Variants in PLEKHG1 observed in about 807,000 individuals in gnomAD.
The protein encoded by PLEKHG1 is pleckstrin homology and RhoGEF domain containing G1.
A neutral mutation model predicts 100.8 loss-of-function variants in PLEKHG1; 44 were observed. That is an observed-to-expected ratio of 0.44 (90% CI 0.34 to 0.56). The LOEUF is 0.56. Among genes scored for constraint, PLEKHG1 ranks in the 20% least tolerant of loss-of-function variants. The pLI is 0.01. For synonymous variants in PLEKHG1, 640 were observed against 662.5 expected, an observed-to-expected ratio of 0.97 and a Z score of 0.52; for missense variants, 1,545 against 1,720.9, an observed-to-expected ratio of 0.90 and a Z score of 1.81.
chr6:150,695,324 C>T (rs939435757), intron 3 of PLEKHG1, among the ~76,000 whole-genome samples: 4 of 152,136 alleles, frequency 2.6e-5, no homozygotes, highest in South Asian at 2.1e-4. Context: ...AAGTCTAGCA[C>T]GTTGTCCTTT....
At chr6:150,604,018 A>T (rs1582884162) in intron 1 of PLEKHG1, among the ~76,000 whole-genome samples, 1 of 152,342 alleles carries the variant, frequency 6.6e-6, no homozygotes, top group African/African-American at 2.4e-5. Flanking sequence ...CCAGGGTGTT[A>T]TGGAGGCCTC....
chr6:150,713,304 G>A (rs777130035), intron 3 of PLEKHG1, among the ~76,000 whole-genome samples: 1 of 152,076 alleles, frequency 6.6e-6, no homozygotes. Flanking sequence ...AAAGTAGTAA[G>A]TCATCTCAAC....
intron 2 of PLEKHG1, 26 bp from the exon 4 acceptor site, chr6:150,768,612 A>G: frequency 8.0e-7 from 1 of 1,251,954 alleles, no homozygotes; most frequent in Non-Finnish European, 1.2e-6. Context: ...GGAGTGTTTA[A>G]GGCATCCTTC....
chr6:150,818,319 G>A (rs1776103758), intron 11 of PLEKHG1, 103 bp downstream of exon 12: 1 of 898,390 alleles, frequency 1.1e-6, no homozygotes, highest in Non-Finnish European at 1.8e-6. Flanking sequence ...TTAGAAAATA[G>A]TATCTCTCTA....
intron 10 of PLEKHG1, among the ~76,000 whole-genome samples, chr6:150,816,274 C>A (rs552328754): frequency 7.0e-6 from 1 of 143,366 alleles, no homozygotes; most frequent in African/African-American, 2.5e-5. Context: ...TCAGGATATT[C>A]GCCTGGACTT....
chr6:150,683,728 GC>G lies in PLEKHG1; in HGVS notation c.-99+32943del. The G allele has an allele frequency of 8.3e-7, 1 of 1,203,942 alleles. No individual in the cohort carries two copies. The highest frequency in any genetic ancestry group is 1.1e-6 in the Non-Finnish European group (1 of 920,848). 74.6% of individuals were successfully genotyped at this position (1,203,942 alleles called of 1,614,324 possible). A position where few individuals can be genotyped will look rare whatever the true frequency, so the allele number is the denominator to read the frequency against. On this transcript the variant is annotated intron_variant, in intron 3 of 3. Transcript: ENST00000367326. This position sits in a 1 kb window ranked among gnomAD's most constrained non-coding sequence, Gnocchi z 4.0. Reference sequence around the variant, plus strand: ...TGAGTTGACACACGGACCCCTCTGCGCTAGTATCCAGGGCATAGGACGTCTG... The same window carrying G: ...TGAGTTGACACACGGACCCCTCTGCGTAGTATCCAGGGCATAGGACGTCTG...
intron 4 of PLEKHG1, 52 bp from the exon 6 acceptor site, chr6:150,795,804 T>C: frequency 1.0e-6 from 1 of 993,990 alleles, no homozygotes; most frequent in South Asian, 1.4e-5. Context: ...TTCAAATGAA[T>C]GTTTATGTTT....
At chr6:150,827,277 C>CTTTTTTT (rs759695142) in intron 14 of PLEKHG1, among the ~76,000 whole-genome samples, 1 of 130,376 alleles carries the variant, frequency 7.7e-6, no homozygotes, top group Non-Finnish European at 1.7e-5. Context: ...AAACTGCTTT[C>CTTTTTTT]TTTTTTTTTT....
At position 150,833,078 on chromosome 6, in the gene PLEKHG1, T is replaced by G. The variant is rs1321346942; in HGVS notation, c.3094+873T>G. Among the ~76,000 whole-genome samples the G allele has an allele frequency of 5.3e-5, 8 of 150,714 alleles. No individual in the cohort carries two copies. The East Asian group carries it at 1.6e-3, about 30-fold the overall frequency. The stretch of plus-strand genomic sequence containing the variant: ...TTTTTTTTGAGATAGGGTCTGGCTC[T>G]GTCACCCAGGCAGGAGTGCAGTAGC... On this transcript the variant is annotated intron_variant, in intron 15 of 15. Transcript: ENST00000358517.
intron 4 of PLEKHG1, among the ~76,000 whole-genome samples, chr6:150,791,090 C>T (rs1289962366): frequency 6.6e-6 from 1 of 152,196 alleles, no homozygotes; most frequent in East Asian, 1.9e-4. Context: ...GTGTACAGCA[C>T]TGTGGTTCCC....
At chr6:150,764,661 T>G (rs1784366507) in intron 2 of PLEKHG1, among the ~76,000 whole-genome samples, 1 of 152,148 alleles carries the variant, frequency 6.6e-6, no homozygotes, top group African/African-American at 2.4e-5. Flanking sequence ...CCTTTTAGTG[T>G]CCTTTTTGTT....
rs150831806 is a variant in PLEKHG1 at position 150,682,690 on chromosome 6, G to A, written c.-99+31904G>A. ...CTGACCTGAGCAGCCCTTCACACACGGGAGCAGACCTTGCACCTGCAGGAG... is the reference window on the plus strand; with the variant it reads ...CTGACCTGAGCAGCCCTTCACACACAGGAGCAGACCTTGCACCTGCAGGAG... On this transcript the variant is annotated intron_variant, in intron 3 of 3. Transcript: ENST00000367326. 7.6e-3 allele frequency among the ~76,000 whole-genome samples: 1,154 copies of A among 152,226 alleles called. 7 individuals carry two copies. Among genetic ancestry groups the A allele is most frequent in the Non-Finnish European group, 0.011 (780 of 68,006 alleles).
intron 2 of PLEKHG1, among the ~76,000 whole-genome samples, chr6:150,757,877 C>T (rs1783933134): frequency 6.6e-6 from 1 of 152,172 alleles, no homozygotes; most frequent in South Asian, 2.1e-4. Context: ...CAACAGGCCC[C>T]AGTGTGTGTT....
intron 2 of PLEKHG1, among the ~76,000 whole-genome samples, chr6:150,642,192 C>A (rs967502547): frequency 2.6e-5 from 4 of 152,142 alleles, no homozygotes; most frequent in African/African-American, 9.7e-5. Context: ...CCACAGCCAG[C>A]TGAATTCTGT....
intron 2 of PLEKHG1, among the ~76,000 whole-genome samples, chr6:150,739,679 AAAAAAC>A (rs1046837772): frequency 3.3e-5 from 5 of 152,112 alleles, no homozygotes; most frequent in Non-Finnish European, 7.4e-5. Flanking sequence ...AAAAAAAACA[AAAAAAC>A]AAAAAAAACC....
intron 1 of PLEKHG1, among the ~76,000 whole-genome samples, chr6:150,727,850 G>A (rs6901930): frequency 0.17 from 26,209 of 152,098 alleles, 3,386 homozygotes; most frequent in African/African-American, 0.36. Context: ...TTCTTACATT[G>A]TTGGCCCTGT....
chr6:150,681,590 C>A (rs1196548260), intron 3 of PLEKHG1, among the ~76,000 whole-genome samples: 1 of 151,426 alleles, frequency 6.6e-6, no homozygotes, highest in Non-Finnish European at 1.5e-5. Flanking sequence ...CCTCCATGTT[C>A]TTTGTATTGA....
At chr6:150,613,666 C>T (rs1477184559) in intron 1 of PLEKHG1, among the ~76,000 whole-genome samples, 1 of 152,180 alleles carries the variant, frequency 6.6e-6, no homozygotes, top group Non-Finnish European at 1.5e-5. Context: ...ATAGGAGGGC[C>T]GCCTGGCTTC....
chr6:150,733,922 G>A, exon 2 of PLEKHG1: 1 of 1,614,228 alleles, frequency 6.2e-7, no homozygotes, highest in Non-Finnish European at 8.5e-7. Context: ...GAACGCGGAT[G>A]AGGGCAGCGA....
Sources: allele counts gnomAD v4.1 joint callset (sites outside exome capture counted in the v4.1 genomes callset), GRCh38; gene constraint gnomAD v4.1.1; non-coding constraint Gnocchi (gnomAD v3.1); transcripts MANE v1.5; gene names NCBI Gene and HGNC (gene_info 2026-07-23, HGNC 2026-07-21).